RESF1: variants seen among roughly 807,000 people sequenced by gnomAD.
RESF1 encodes the protein gonad expressed transcript.
RESF1 carries 65 observed loss-of-function variants against 134.7 expected under a neutral mutation model. That is an observed-to-expected ratio of 0.48 (90% CI 0.40 to 0.59). The LOEUF is 0.59. Ranked by LOEUF, RESF1 falls within the 20% of genes least tolerant of loss-of-function variation. RESF1 has a pLI of 0.00. For synonymous variants in RESF1, 762 were observed against 702.2 expected (o/e 1.09, Z -1.35); for missense variants, 2,274 against 2,002.7 (o/e 1.14, Z -2.59).
At chr12:31,989,830 C>G (rs149177552) in intron 5 of RESF1, among the ~76,000 whole-genome samples, 1 of 151,906 alleles carries the variant, frequency 6.6e-6, no homozygotes, top group East Asian at 1.9e-4. Context: ...CCAGCTTGGG[C>G]GACAGAGCAA....
intron 2 of RESF1, among the ~76,000 whole-genome samples, chr12:31,963,260 T>TCCCA (rs1939323672): frequency 6.6e-6 from 1 of 151,242 alleles, no homozygotes; most frequent in East Asian, 1.9e-4. Context: ...ATAGGAGAAT[T>TCCCA]GCTTGAACCC....
At chr12:31,976,870 A>G (rs1182978157) in intron 3 of RESF1, among the ~76,000 whole-genome samples, 1 of 152,158 alleles carries the variant, frequency 6.6e-6, no homozygotes, top group African/African-American at 2.4e-5. Flanking sequence ...GGACCCACGC[A>G]CTTCAAAGCC....
Position 31,985,906 on chromosome 12 carries a change from G to A in RESF1, c.4951G>A (p.Glu1651Lys), listed in dbSNP as rs1288138728. Residue 1651 changes from glutamate to lysine, a missense_variant, in exon 4 of 6, where the codon GAA becomes AAA. Coordinates refer to ENST00000312561, the MANE Select transcript of RESF1 (RefSeq NM_018169.4). ...ACTAAAGAATACAAACTCTGTGGAA[G>A]AACGGAAGGATGTAAAGCCTCATCC... ...ILLKNTNSVE[E>K]RKDVKPHPRK... The A allele has an allele frequency of 6.6e-7, 1 of 1,514,034 alleles. No homozygotes were observed. The highest frequency in any genetic ancestry group is 8.8e-7 in the Non-Finnish European group (1 of 1,139,138). 93.8% of individuals were successfully genotyped at this position (1,514,034 alleles called of 1,614,324 possible).
chr12:31,961,915 T>C (rs73293114), intron 2 of RESF1, among the ~76,000 whole-genome samples: 6,525 of 152,276 alleles, frequency 0.043, 467 homozygotes, highest in African/African-American at 0.15. Flanking sequence ...GGGAATTGAT[T>C]TAATGTTGCT....
rs752310196 is a variant in RESF1, at chr12:31,981,584, A to T, written c.629A>T (p.Asp210Val). 1 of 1,614,186 alleles carries T rather than the reference A, an allele frequency of 6.2e-7. No homozygotes were observed. Among genetic ancestry groups the T allele is most frequent in the Admixed American group, 1.7e-5 (1 of 60,012 alleles). ...QCISKGLTYP[D>V]YRPPPKLYRY... The stretch of plus-strand genomic sequence containing the variant: ...ATATCTAAGGGACTGACTTACCCAG[A>T]TTACAGACCACCTCCAAAGCTATAC... Residue 210 changes from aspartate (D) to valine (V), a missense_variant, in exon 4 of 6, where the codon GAT becomes GTT. Physicochemically the swap from Asp to Val is radical, Grantham distance 152. Transcript: ENST00000312561.
chr12:31,982,589 C>T lies in RESF1; in HGVS notation c.1634C>T (p.Ser545Leu). ...TQAVLNTQLS[S>L]ENVTKVEQNS... ...GCAGTATTGAATACTCAGCTTTCAT[C>T]AGAAAATGTTACCAAAGTTGAGCAA... Residue 545 changes from serine (S) to leucine (L), a missense_variant, in exon 4 of 6, where the codon TCA becomes TTA. By Grantham distance (145) the Ser-to-Leu change is moderately radical (BLOSUM62 -2). Transcript: ENST00000312561. 6.2e-7 allele frequency: 1 copy of T among 1,613,954 alleles called. No individual in the cohort carries two copies. Among genetic ancestry groups the T allele is most frequent in the East Asian group, 2.2e-5 (1 of 44,882 alleles).
intron 3 of RESF1, among the ~76,000 whole-genome samples, chr12:31,971,768 C>T (rs537016267): frequency 6.6e-6 from 1 of 152,252 alleles, no homozygotes; most frequent in East Asian, 1.9e-4. Context: ...GACCAAGGCC[C>T]GATTAAAGGG....
At position 31,980,940 on chromosome 12, in the gene RESF1, C is replaced by T; in HGVS notation, c.-16C>T. On this transcript the variant is annotated 5_prime_UTR_variant, in exon 4 of 6. Transcript: ENST00000312561. ...ATAACTGACTTGTAATACACTGCTA[C>T]TATATCAAACCGACAATGAATTGGA... The T allele has an allele frequency of 6.4e-7, 1 of 1,573,326 alleles. No individual in the cohort carries two copies. The highest frequency in any genetic ancestry group is 8.6e-7 in the Non-Finnish European group (1 of 1,158,130).
At chr12:31,977,801 C>CTTTTTTTTTTTTT (rs3075963) in intron 3 of RESF1, among the ~76,000 whole-genome samples, 3 of 124,398 alleles carry the variant, frequency 2.4e-5, no homozygotes, top group African/African-American at 5.8e-5. Context: ...TTCTTTCTTT[C>CTTTTTTTTTTTTT]TTTTTTTTTT....
At chr12:31,972,475 G>A (rs1030032719) in intron 3 of RESF1, among the ~76,000 whole-genome samples, 9 of 152,038 alleles carry the variant, frequency 5.9e-5, no homozygotes, top group African/African-American at 1.7e-4. Flanking sequence ...GCGTGGTGGT[G>A]GGCACCGGTA....
rs114477030 is a variant in RESF1 at position 31,979,935 on chromosome 12, C to T, written c.-78-943C>T. Among the ~76,000 whole-genome samples, 683 of 151,366 alleles carry T rather than the reference C, an allele frequency of 4.5e-3. 6 individuals are homozygous for T. Among genetic ancestry groups the T allele is most frequent in the African/African-American group, 0.016 (663 of 41,256 alleles). On this transcript the variant is annotated intron_variant, in intron 3 of 5. Coordinates refer to ENST00000312561, the MANE Select transcript of RESF1 (RefSeq NM_018169.4). ...AGTGGTTAGAACTAAAAGTTCCAAC[C>T]GTCTAATACTTGGTTTTCCTGGTGA...
chr12:31,983,405 A>G lies in RESF1; in HGVS notation c.2450A>G (p.Asp817Gly). The change falls in exon 4 of 6, where the codon GAT (aspartate) becomes GGT (glycine). Residue 817 changes from aspartate (D) to glycine (G), a missense_variant. By Grantham distance (94) the Asp-to-Gly change is moderately conservative. Transcript: ENST00000312561. ...AAGGCAACTGCTGCTTTGAAAGTTG[A>G]TGTTAGTGGACCAGTAGCAAGTACA... ...NAKATAALKV[D>G]VSGPVASTAT... is the part of the protein sequence containing the mutation. 1 of 1,614,070 alleles carries G rather than the reference A, an allele frequency of 6.2e-7. No individual in the cohort carries two copies. Among genetic ancestry groups the G allele is most frequent in the South Asian group, 1.1e-5 (1 of 91,084 alleles).
At position 31,982,864 on chromosome 12, in the gene RESF1, ACTT is replaced by A; in HGVS notation, c.1912_1914del (p.Ser638del). The A allele has an allele frequency of 1.9e-6, 3 of 1,614,028 alleles. No individual in the cohort carries two copies. The highest frequency in any genetic ancestry group is 2.5e-6 in the Non-Finnish European group (3 of 1,179,892). ...TTTGAAGAACATGGAAACTCCAAGTACTTCTAATGTAAGTGGCAGGGTTTTGGA... is the reference window on the plus strand; with the variant it reads ...TTTGAAGAACATGGAAACTCCAAGTACTAATGTAAGTGGCAGGGTTTTGGA... On this transcript the variant is annotated inframe_deletion, in exon 4 of 6. Transcript: ENST00000312561.
chr12:31,974,249 G>C (rs7957981), intron 3 of RESF1, among the ~76,000 whole-genome samples: 14,206 of 151,712 alleles, frequency 0.094, 769 homozygotes, highest in Non-Finnish European at 0.13. Flanking sequence ...CTCTGTGTCA[G>C]GAACCGGGTT....
At chr12:31,963,597 T>C (rs75869869) in intron 2 of RESF1, among the ~76,000 whole-genome samples, 36 of 152,278 alleles carry the variant, frequency 2.4e-4, no homozygotes, top group East Asian at 2.3e-3. Context: ...TATTCACTCA[T>C]TTACACCCAG....
Position 31,982,324 on chromosome 12 carries a change from A to C in RESF1, c.1369A>C (p.Ile457Leu). The change falls in exon 4 of 6, where the codon ATA (isoleucine) becomes CTA (leucine). Residue 457 changes from isoleucine to leucine, a missense_variant. By Grantham distance (5) the Ile-to-Leu change is conservative. Transcript: ENST00000312561. ...QTAKIQSGPQ[I>L]TPVMPENAER... The stretch of plus-strand genomic sequence containing the variant: ...TGCCAAAATCCAGTCTGGACCCCAG[A>C]TAACTCCAGTAATGCCAGAGAATGC... 4 of 1,614,196 alleles carry C rather than the reference A, an allele frequency of 2.5e-6. No individual in the cohort carries two copies. The East Asian group carries it at 8.9e-5, about 36-fold the overall frequency.
intron 5 of RESF1, 77 bp downstream of exon 5, chr12:31,987,399 G>A: frequency 1.2e-6 from 1 of 806,692 alleles, no homozygotes; most frequent in South Asian, 1.7e-5. Flanking sequence ...GTTATGATAT[G>A]ATTGTAAAGT....
In RESF1 at chr12:31,992,541, AGATGTGGTTTT is replaced by A; in HGVS notation, c.*8_*18del. The A allele has an allele frequency of 6.2e-7, 1 of 1,611,658 alleles. No individual in the cohort carries two copies. The highest frequency in any genetic ancestry group is 8.5e-7 in the Non-Finnish European group (1 of 1,179,230). Reference sequence around the variant, plus strand: ...GTAGCAGTCCTGTAAAATAATTACAAGATGTGGTTTTGTAATTGCCACTGGGAAATTTCTTT... The same window carrying A: ...GTAGCAGTCCTGTAAAATAATTACAAGTAATTGCCACTGGGAAATTTCTTT... On this transcript the variant is annotated 3_prime_UTR_variant, in exon 6 of 6. Coordinates refer to ENST00000312561, the MANE Select transcript of RESF1 (RefSeq NM_018169.4).
chr12:31,987,678 G>C (rs1940005801), intron 5 of RESF1, among the ~76,000 whole-genome samples: 1 of 152,086 alleles, frequency 6.6e-6, no homozygotes, highest in Non-Finnish European at 1.5e-5. Flanking sequence ...GGAAATGGCT[G>C]CAGATAATAT....
Sources: allele counts gnomAD v4.1 joint callset (sites outside exome capture counted in the v4.1 genomes callset), GRCh38; gene constraint gnomAD v4.1.1; transcripts MANE v1.5; gene names NCBI Gene and HGNC (gene_info 2026-07-23, HGNC 2026-07-21).